The following SLITRK6 variants were observed in gnomAD, a reference collection of about 807,000 sequenced individuals.
SLITRK6 encodes SLIT and NTRK-like protein 6.
SLITRK6 carries 35 observed loss-of-function variants against 55.6 expected under a neutral mutation model. The observed-to-expected ratio is 0.63, with a 90% CI of 0.48 to 0.83. SLITRK6 has a LOEUF of 0.83. Ranked by LOEUF, SLITRK6 falls within the 40% of genes least tolerant of loss-of-function variation. The probability of loss-of-function intolerance (pLI) is 0.00; values close to 1 mark genes in which losing one functional copy is unlikely to be tolerated. For synonymous variants in SLITRK6, 392 were observed against 359.6 expected (o/e 1.09, Z -1.02); for missense variants, 977 against 986.4 (o/e 0.99, Z 0.13).
rs1593963472 is a variant in SLITRK6 at position 85,796,346 on chromosome 13, T to C, written c.163A>G (p.Met55Val). ...GGTGGCACACTTATTTCAGATACCATCTTGATACCTTTTGCTTCACAATTT... is the reference window on the plus strand; with the variant it reads ...GGTGGCACACTTATTTCAGATACCACCTTGATACCTTTTGCTTCACAATTT... ...LINCEAKGIK[M>V]VSEISVPPSR... Residue 55 changes from methionine (M) to valine (V), a missense_variant, in exon 2 of 2, where the codon ATG (methionine) becomes GTG (valine). Transcript: ENST00000647374. 1.9e-6 allele frequency: 3 copies of C among 1,612,390 alleles called. No individual in the cohort carries two copies. The highest frequency in any genetic ancestry group is 1.7e-5 in the Admixed American group (1 of 59,738).
In SLITRK6 at chr13:85,793,134, T is replaced by C. The variant is rs1012679637; in HGVS notation, c.*849A>G. The stretch of plus-strand genomic sequence containing the variant: ...TCAGATTTACAAAGAATTAAGCCTA[T>C]GAAATAAAGCAAACCCAATATATTC... On this transcript the variant is annotated 3_prime_UTR_variant, in exon 2 of 2. Transcript: ENST00000647374. The C allele has an allele frequency of 2.0e-5, 3 of 152,240 alleles. No individual in the cohort carries two copies. The highest frequency in any genetic ancestry group is 7.2e-5 in the African/African-American group (3 of 41,420). The allele number at this position is 152,240 out of a possible 1,614,324, so 9.4% of individuals were successfully genotyped here.
rs764936329 is a variant in SLITRK6, at chr13:85,794,598, TCTC to T, written c.1908_1910del (p.Arg638del). On this transcript the variant is annotated inframe_deletion, in exon 2 of 2. Transcript: ENST00000647374. ...CATCTACTTGTTTCTTTTTGTATCTTCTCCTGCGGTGAAGAACAAGAACCACTA... is the reference window on the plus strand; with the variant it reads ...CATCTACTTGTTTCTTTTTGTATCTTCTGCGGTGAAGAACAAGAACCACTA... 19 of 1,612,946 alleles carry T rather than the reference TCTC, an allele frequency of 1.2e-5. No homozygotes were observed. The South Asian group carries it at 1.4e-4, about 12-fold the overall frequency.
rs1874613936 is a variant in SLITRK6 at position 85,793,841 on chromosome 13, TTTC to T, written c.*139_*141del. 6.0e-6 allele frequency: 6 copies of T among 997,438 alleles called. No individual in the cohort carries two copies. The highest frequency in any genetic ancestry group is 1.7e-5 in the African/African-American group (1 of 59,686). The allele number at this position is 997,438 out of a possible 1,614,324, so 61.8% of individuals were successfully genotyped here. On this transcript the variant is annotated 3_prime_UTR_variant, in exon 2 of 2. Transcript: ENST00000647374. ...TCTCCCAGTGATCCCTGAGTTTCTT[TTTC>T]TTCTTCTTTTTTTTTCCCCATAGTT... is the stretch of plus-strand genomic sequence containing the variant.
chr13:85,797,937 A>G (rs919175344), intron 1 of SLITRK6, among the ~76,000 whole-genome samples: 4 of 151,920 alleles, frequency 2.6e-5, no homozygotes, highest in African/African-American at 7.2e-5. Context: ...TTGTTGTTTG[A>G]AATATGAACA....
At position 85,793,940 on chromosome 13, in the gene SLITRK6, A is replaced by G; in HGVS notation, c.*43T>C. 6.5e-7 allele frequency: 1 copy of G among 1,548,054 alleles called. No individual in the cohort carries two copies. Among genetic ancestry groups the G allele is most frequent in the Non-Finnish European group, 8.7e-7 (1 of 1,150,374 alleles). On this transcript the variant is annotated 3_prime_UTR_variant, in exon 2 of 2. Coordinates refer to ENST00000647374, the MANE Select transcript of SLITRK6 (RefSeq NM_032229.3). The stretch of plus-strand genomic sequence containing the variant: ...ACTTATTTACAAGGTATGGACTTAA[A>G]ACAGAATCACAGCATTTCTGCGAAA...
rs1276150879 is a variant in SLITRK6 at position 85,795,223 on chromosome 13, C to A, written c.1286G>T (p.Gly429Val). 3.1e-6 allele frequency: 5 copies of A among 1,612,262 alleles called. No individual in the cohort carries two copies. In the East Asian group the frequency reaches 6.7e-5, roughly 22 times the overall value. The change falls in exon 2 of 2, where the codon GGC becomes GTC. Residue 429 changes from glycine (G) to valine (V), a missense_variant. Transcript: ENST00000647374. ...AAGATTATGGAGACCAAGGAACATG[C>A]CTTTACTTAATTTGGTCAGGTGGTT... Reference protein sequence around the residue: ...NGNHLTKLSKGMFLGLHNLEY... With the variant: ...NGNHLTKLSKVMFLGLHNLEY...
At chr13:85,796,553 G>T (rs1197406554) in intron 1 of SLITRK6, 21 bp from the exon 2 acceptor site, 1 of 1,483,012 alleles carries the variant, frequency 6.7e-7, no homozygotes, top group Admixed American at 2.5e-5. Context: ...AAACGCAATA[G>T]CAAGGGACTT....
Position 85,795,456 on chromosome 13 carries a change from G to T in SLITRK6, c.1053C>A (p.Asn351Lys). 6.2e-7 allele frequency: 1 copy of T among 1,613,022 alleles called. No individual in the cohort carries two copies. Among genetic ancestry groups the T allele is most frequent in the Non-Finnish European group, 8.5e-7 (1 of 1,179,402 alleles). Residue 351 changes from asparagine (N) to lysine (K), a missense_variant, in exon 2 of 2, where the codon AAC (asparagine) becomes AAA (lysine). Asn to Lys is a moderately conservative substitution (Grantham distance 94, BLOSUM62 0). Transcript: ENST00000647374. The stretch of plus-strand genomic sequence containing the variant: ...GTCTCAGATCTGATAAGCTTTCAAT[G>T]TTGCGCTCCTGACAATGTATTAGAA... ...SGLLIHCQER[N>K]IESLSDLRPP...
Position 85,794,412 on chromosome 13 carries a change from A to T in SLITRK6, c.2097T>A (p.His699Gln), listed in dbSNP as rs765209744. The change falls in exon 2 of 2, where the codon CAT (histidine) becomes CAA (glutamine). Residue 699 changes from histidine to glutamine, a missense_variant. Transcript: ENST00000647374. Reference sequence around the variant, plus strand: ...CATTCCTCTCTTCTTCCTCTTCCAGATGCTTTGGACCAAAGGATGGACTTC... The same window carrying T: ...CATTCCTCTCTTCTTCCTCTTCCAGTTGCTTTGGACCAAAGGATGGACTTC... ...VYRSPSFGPK[H>Q]LEEEEERNEK... The T allele has an allele frequency of 6.2e-7, 1 of 1,613,170 alleles. No homozygotes were observed. Among genetic ancestry groups the T allele is most frequent in the Non-Finnish European group, 8.5e-7 (1 of 1,179,542 alleles).
rs925317873 is a variant in SLITRK6, at chr13:85,795,745, C to T, written c.764G>A (p.Gly255Glu). The T allele has an allele frequency of 3.1e-6, 5 of 1,612,560 alleles. No homozygotes were observed. The African/African-American group carries it at 4.0e-5, about 13-fold the overall frequency. Residue 255 changes from glycine (G) to glutamate (E), a missense_variant, in exon 2 of 2, where the codon GGA becomes GAA. Coordinates refer to ENST00000647374, the MANE Select transcript of SLITRK6 (RefSeq NM_032229.3). ...CTTCTTTAGTCTACTGAGTATACTT[C>T]CTTTAAAAAATGGAGGGCTGTTGCA... ...VVCNSPPFFK[G>E]SILSRLKKES...
intron 1 of SLITRK6, among the ~76,000 whole-genome samples, chr13:85,797,262 A>G (rs1874755902): frequency 6.6e-6 from 1 of 151,366 alleles, no homozygotes; most frequent in Non-Finnish European, 1.5e-5. Context: ...TTAACTATTC[A>G]ATCAAGGGTA....
At position 85,794,375 on chromosome 13, in the gene SLITRK6, T is replaced by C. The variant is rs779801030; in HGVS notation, c.2134A>G (p.Ser712Gly). ...EEEERNEKEGSDAKHLQRSLL... is the reference protein window; with the variant it reads ...EEEERNEKEGGDAKHLQRSLL... ...CTTCTTTGGAGATGTTTTGCATCAC[T>C]TCCTTCTTTCTCATTCCTCTCTTCT... Residue 712 changes from serine (S) to glycine (G), a missense_variant, in exon 2 of 2, where the codon AGT becomes GGT. By Grantham distance (56) the Ser-to-Gly change is moderately conservative. Coordinates refer to ENST00000647374, the MANE Select transcript of SLITRK6 (RefSeq NM_032229.3). 1 of 1,613,320 alleles carries C rather than the reference T, an allele frequency of 6.2e-7. No individual in the cohort carries two copies. The highest frequency in any genetic ancestry group is 8.5e-7 in the Non-Finnish European group (1 of 1,179,586).
At position 85,794,051 on chromosome 13, in the gene SLITRK6, A is replaced by G. The variant is rs1566397050; in HGVS notation, c.2458T>C (p.Tyr820His). 6.2e-7 allele frequency: 1 copy of G among 1,612,068 alleles called. No individual in the cohort carries two copies. The highest frequency in any genetic ancestry group is 1.3e-5 in the African/African-American group (1 of 74,830). ...TGTAAATTAGCTTTAAGTTCAAAAT[A>G]CTCATTTTTTGTCTGTTCCACTAAT... is the stretch of plus-strand genomic sequence containing the variant. ...KVLVEQTKNE[Y>H]FELKANLHAE... The change falls in exon 2 of 2, where the codon TAT (tyrosine) becomes CAT (histidine). Residue 820 changes from tyrosine (Y) to histidine (H), a missense_variant. By Grantham distance (83) the Tyr-to-His change is moderately conservative. Coordinates refer to ENST00000647374, the MANE Select transcript of SLITRK6 (RefSeq NM_032229.3).
chr13:85,794,021 CA>C lies in SLITRK6; in HGVS notation c.2487del (p.Glu830AsnfsTer5). ...TCCAGGACTTCTAAATAGTCAGGTT[CA>C]GCATGTAAATTAGCTTTAAGTTCAA... ...EYFELKANLH[A>X]EPDYLEVLEQ... is the part of the protein sequence containing the mutation. On this transcript the variant is annotated frameshift_variant, in exon 2 of 2. Transcript: ENST00000647374. LOFTEE classifies it high-confidence loss of function. 1 of 1,610,386 alleles carries C rather than the reference CA, an allele frequency of 6.2e-7. No individual in the cohort carries two copies. Among genetic ancestry groups the C allele is most frequent in the Non-Finnish European group, 8.5e-7 (1 of 1,178,248 alleles).
At position 85,795,846 on chromosome 13, in the gene SLITRK6, G is replaced by C; in HGVS notation, c.663C>G (p.Ala221=). 6.2e-7 allele frequency: 1 copy of C among 1,613,016 alleles called. No individual in the cohort carries two copies. The highest frequency in any genetic ancestry group is 1.3e-5 in the African/African-American group (1 of 74,950). ...TTAACTGCAATAAGTCACAATTGCA[G>C]GCCCATTTGTTGTCCTCCAACTGAA... ...LDLQLEDNKW[A]CNCDLLQLKT... is the part of the protein sequence containing the mutation. Residue 221 remains alanine, a synonymous_variant, in exon 2 of 2, where the codon GCC becomes GCG. Coordinates refer to ENST00000647374, the MANE Select transcript of SLITRK6 (RefSeq NM_032229.3).
chr13:85,797,546 C>T lies in SLITRK6; in HGVS notation c.-24-1014G>A, dbSNP rs192970362. 5.2e-4 allele frequency among the ~76,000 whole-genome samples: 79 copies of T among 151,738 alleles called. 2 individuals carry two copies. The South Asian group carries it at 8.7e-3, about 17-fold the overall frequency. On this transcript the variant is annotated intron_variant, in intron 1 of 1. Transcript: ENST00000647374. ...AGGTCTTGAAACAGTCTTTAGGGCA[C>T]GGAATGTCATCACATAATTAAGCAG...
Position 85,794,419 on chromosome 13 carries a change from G to C in SLITRK6, c.2090C>G (p.Pro697Arg). 1 of 1,613,190 alleles carries C rather than the reference G, an allele frequency of 6.2e-7. No individual in the cohort carries two copies. Among genetic ancestry groups the C allele is most frequent in the Non-Finnish European group, 8.5e-7 (1 of 1,179,552 alleles). The change falls in exon 2 of 2, where the codon CCA becomes CGA. Residue 697 changes from proline (P) to arginine (R), a missense_variant. Coordinates refer to ENST00000647374, the MANE Select transcript of SLITRK6 (RefSeq NM_032229.3). ...CTCTTCTTCCTCTTCCAGATGCTTTGGACCAAAGGATGGACTTCTATAGAC... is the reference window on the plus strand; with the variant it reads ...CTCTTCTTCCTCTTCCAGATGCTTTCGACCAAAGGATGGACTTCTATAGAC... The part of the protein sequence containing the change: ...VHVYRSPSFG[P>R]KHLEEEEERN...
chr13:85,794,078 C>T lies in SLITRK6; in HGVS notation c.2431G>A (p.Val811Ile), dbSNP rs748102571. ...ETLMYSRPRK[V>I]LVEQTKNEYF... Reference sequence around the variant, plus strand: ...TCATTTTTTGTCTGTTCCACTAATACCTTCCTTGGACGTGAGTACATTAAT... The same window carrying T: ...TCATTTTTTGTCTGTTCCACTAATATCTTCCTTGGACGTGAGTACATTAAT... The change falls in exon 2 of 2, where the codon GTA (valine) becomes ATA (isoleucine). Residue 811 changes from valine (V) to isoleucine (I), a missense_variant. Coordinates refer to ENST00000647374, the MANE Select transcript of SLITRK6 (RefSeq NM_032229.3). 1.2e-6 allele frequency: 2 copies of T among 1,612,904 alleles called. No homozygotes were observed. Among genetic ancestry groups the T allele is most frequent in the Non-Finnish European group, 1.7e-6 (2 of 1,179,334 alleles).
At chr13:85,798,475 T>C (rs1362448640) in intron 1 of SLITRK6, among the ~76,000 whole-genome samples, 1 of 152,036 alleles carries the variant, frequency 6.6e-6, no homozygotes, top group Non-Finnish European at 1.5e-5. Flanking sequence ...CAATATCTGA[T>C]ACAGTGGTAA....
Sources: allele counts gnomAD v4.1 joint callset (sites outside exome capture counted in the v4.1 genomes callset), GRCh38; gene constraint gnomAD v4.1.1; transcripts MANE v1.5; gene names NCBI Gene and HGNC (gene_info 2026-07-23, HGNC 2026-07-21).